Variants in KAZN observed in about 807,000 individuals in gnomAD.
KAZN encodes kazrin, periplakin interacting protein, also known as kazrin.
KAZN carries 40 observed loss-of-function variants against 87.4 expected under a neutral mutation model. That is an observed-to-expected ratio of 0.46 (90% CI 0.36 to 0.60). The LOEUF is 0.60. KAZN is among the 20% of genes least tolerant of loss of function. KAZN has a pLI of 0.00. For synonymous variants in KAZN, 466 were observed against 458.3 expected (o/e 1.02, Z -0.22); for missense variants, 898 against 1,073.9 (o/e 0.84, Z 2.29).
chr1:15,050,978 C>G (rs1399387645), intron 4 of KAZN, among the ~76,000 whole-genome samples: 1 of 152,208 alleles, frequency 6.6e-6, no homozygotes, highest in Non-Finnish European at 1.5e-5. Context: ...GGCTTCCCCC[C>G]AAGGAGAAGA....
chr1:14,193,226 C>T (rs1331119175), intron 2 of KAZN, among the ~76,000 whole-genome samples: 1 of 152,194 alleles, frequency 6.6e-6, no homozygotes, highest in Non-Finnish European at 1.5e-5. Context: ...AGTCAATTAA[C>T]CTCTTTCTTT....
chr1:15,107,672 A>T (rs575787964), intron 13 of KAZN, among the ~76,000 whole-genome samples: 1 of 152,214 alleles, frequency 6.6e-6, no homozygotes, highest in Admixed American at 6.5e-5. Context: ...CAATAATATA[A>T]ATATTAGTGA....
intron 1 of KAZN, among the ~76,000 whole-genome samples, chr1:14,639,019 TC>T (rs1237701896): frequency 6.6e-6 from 1 of 152,164 alleles, no homozygotes; most frequent in African/African-American, 2.4e-5. Context: ...AGTGCTACCT[TC>T]CACCATACAC....
intron 2 of KAZN, among the ~76,000 whole-genome samples, chr1:14,555,092 G>T (rs565262294): frequency 1.6e-4 from 24 of 152,320 alleles, no homozygotes; most frequent in South Asian, 2.1e-4. Flanking sequence ...CCTATCTGCT[G>T]TCATAATTGG....
chr1:14,477,478 C>T (rs1668816267), intron 2 of KAZN, among the ~76,000 whole-genome samples: 1 of 151,398 alleles, frequency 6.6e-6, no homozygotes, highest in Admixed American at 6.6e-5. Context: ...CTCTCTCTCT[C>T]TCCAGTCTCT....
At chr1:14,237,335 G>A (rs1290783989) in intron 2 of KAZN, among the ~76,000 whole-genome samples, 1 of 152,204 alleles carries the variant, frequency 6.6e-6, no homozygotes, top group Non-Finnish European at 1.5e-5. Flanking sequence ...TAGCTGAGGA[G>A]TGAGCAAGGC....
intron 2 of KAZN, among the ~76,000 whole-genome samples, chr1:14,441,060 T>C (rs1474540030): frequency 6.6e-6 from 1 of 152,136 alleles, no homozygotes; most frequent in African/African-American, 2.4e-5. Flanking sequence ...GAGCACCTGA[T>C]GGACTGACAG....
At chr1:14,377,580 G>C (rs146081635) in intron 2 of KAZN, among the ~76,000 whole-genome samples, 5 of 152,342 alleles carry the variant, frequency 3.3e-5, no homozygotes, top group East Asian at 1.9e-4. Flanking sequence ...TAGAGCTGCT[G>C]TTGCAGCTGA....
Position 14,955,937 on chromosome 1 carries a change from C to T in KAZN, c.227-4747C>T, listed in dbSNP as rs1178119316. ...ACTGCTGGCATTAAACACAAGATGC[C>T]CAGTTAAATTTAAATTTCAGATACG... is the stretch of plus-strand genomic sequence containing the variant. On this transcript the variant is annotated intron_variant, in intron 1 of 14. Transcript: ENST00000376030. Among the ~76,000 whole-genome samples the T allele has an allele frequency of 2.6e-5, 4 of 152,086 alleles. No individual in the cohort carries two copies. The South Asian group carries it at 6.2e-4, about 24-fold the overall frequency.
intron 2 of KAZN, among the ~76,000 whole-genome samples, chr1:14,318,327 G>T (rs1655798544): frequency 6.6e-6 from 1 of 152,018 alleles, no homozygotes; most frequent in South Asian, 2.1e-4. Context: ...GCTGGCTCTA[G>T]AATGCTATGT....
rs556935337 is a variant in KAZN, at chr1:14,520,987, G to T, written c.250-77996G>T. On this transcript the variant is annotated intron_variant, in intron 2 of 16. Transcript: ENST00000636203. Reference sequence around the variant, plus strand: ...CCATGAGAGGCCAGAGCAGGGAGAGGCATGCAGTGGCATGATCCAGAGGGA... The same window carrying T: ...CCATGAGAGGCCAGAGCAGGGAGAGTCATGCAGTGGCATGATCCAGAGGGA... Among the ~76,000 whole-genome samples the T allele has an allele frequency of 7.2e-5, 11 of 152,278 alleles. No homozygotes were observed. In the South Asian group the frequency reaches 2.3e-3, roughly 32 times the overall value.
chr1:14,669,225 C>G (rs1447689919), intron 1 of KAZN, among the ~76,000 whole-genome samples: 2 of 152,138 alleles, frequency 1.3e-5, no homozygotes, highest in Non-Finnish European at 2.9e-5. Context: ...GTTAGCATCT[C>G]CAGTCTGCTG....
chr1:14,437,827 CA>C (rs1666486124), intron 2 of KAZN, among the ~76,000 whole-genome samples: 1 of 151,986 alleles, frequency 6.6e-6, no homozygotes, highest in Non-Finnish European at 1.5e-5. Context: ...TAAAGGAAGT[CA>C]AAGAGGGCAG....
intron 2 of KAZN, among the ~76,000 whole-genome samples, chr1:14,498,194 G>C (rs1182887569): frequency 6.6e-6 from 1 of 152,204 alleles, no homozygotes; most frequent in Non-Finnish European, 1.5e-5. Context: ...TGGCTCGTCA[G>C]TGTTCTTTTA....
intron 1 of KAZN, among the ~76,000 whole-genome samples, chr1:14,736,306 T>A (rs1455693981): frequency 1.0e-4 from 14 of 139,352 alleles, no homozygotes; most frequent in South Asian, 2.2e-4. Context: ...TGTGTATATT[T>A]TTTTTTTTTG....
intron 2 of KAZN, among the ~76,000 whole-genome samples, chr1:14,259,527 C>T (rs893160275): frequency 6.6e-6 from 1 of 152,184 alleles, no homozygotes; most frequent in African/African-American, 2.4e-5. Flanking sequence ...GCCTCACCCC[C>T]CAAGTGGCCT....
chr1:14,957,279 A>G (rs1186691860), intron 1 of KAZN, among the ~76,000 whole-genome samples: 2 of 152,210 alleles, frequency 1.3e-5, no homozygotes, highest in Admixed American at 6.5e-5. Context: ...CGTGGGGTCC[A>G]GGAGCACTAG....
intron 1 of KAZN, among the ~76,000 whole-genome samples, chr1:13,960,768 T>C (rs890850327): frequency 6.6e-6 from 1 of 152,170 alleles, no homozygotes; most frequent in Non-Finnish European, 1.5e-5. Flanking sequence ...GGCTGGGGGC[T>C]ACTGGGAGTC....
chr1:14,523,906 CAT>C (rs1405489436), intron 2 of KAZN, among the ~76,000 whole-genome samples: 4 of 152,246 alleles, frequency 2.6e-5, no homozygotes, highest in Non-Finnish European at 5.9e-5. Context: ...AAAAATGCCA[CAT>C]ATGTCAGTCA....
Sources: gnomAD v4.1 joint callset for allele counts (sites outside exome capture counted in the v4.1 genomes callset) on GRCh38, gnomAD v4.1.1 for gene constraint, MANE v1.5 for transcripts, NCBI Gene and HGNC (gene_info 2026-07-23, HGNC 2026-07-21) for gene names.